RPE65: variants seen among roughly 807,000 people sequenced by gnomAD.
RPE65 encodes the protein retinoid isomerohydrolase RPE65, also known as retinoid isomerohydrolase.
In RPE65, 58 loss-of-function variants were observed where a neutral mutation model predicts 68.5. That is an observed-to-expected ratio of 0.85 (90% CI 0.69 to 1.05). The LOEUF is 1.05. Among genes scored for constraint, RPE65 ranks in the 50% least tolerant of loss-of-function variants. The pLI is 0.00. For synonymous variants in RPE65, 220 were observed against 222.2 expected (o/e 0.99, Z 0.09); for missense variants, 643 against 629.9 (o/e 1.02, Z -0.22).
chr1:68,445,924 G>A (rs1053528834), intron 3 of RPE65, among the ~76,000 whole-genome samples: 6 of 151,694 alleles, frequency 4.0e-5, no homozygotes, highest in Admixed American at 6.6e-5. Context: ...GACATCATCC[G>A]TTTCTCTTCT....
rs577927551 is a variant in RPE65, at chr1:68,431,646, C to A, written c.1129-61G>T. 2.1e-6 allele frequency: 3 copies of A among 1,413,380 alleles called. No individual in the cohort carries two copies. In the East Asian group the frequency reaches 6.9e-5, roughly 32 times the overall value. 87.6% of individuals were successfully genotyped at this position (1,413,380 alleles called of 1,614,324 possible). ...GAAAGAATTCAAACAGCCAGAAATG[C>A]AGAGTTCTTAAGTCTTGGCTCCTAA... On this transcript the variant is annotated intron_variant, in intron 10 of 13. Coordinates refer to ENST00000262340, the MANE Select transcript of RPE65 (RefSeq NM_000329.3).
At chr1:68,443,640 C>G (rs1474672752) in intron 5 of RPE65, among the ~76,000 whole-genome samples, 1 of 152,180 alleles carries the variant, frequency 6.6e-6, no homozygotes, top group Admixed American at 6.5e-5. Context: ...CCAACTACTT[C>G]CAGAAGTAAT....
intron 10 of RPE65, among the ~76,000 whole-genome samples, chr1:68,437,112 T>G (rs1399150913): frequency 6.6e-6 from 1 of 152,184 alleles, no homozygotes; most frequent in Non-Finnish European, 1.5e-5. Flanking sequence ...TCTAATCATG[T>G]CCTAAAATAC....
chr1:68,443,380 T>G (rs887029847), intron 5 of RPE65, among the ~76,000 whole-genome samples: 34 of 152,258 alleles, frequency 2.2e-4, no homozygotes, highest in African/African-American at 7.7e-4. Context: ...GTGTGGGACG[T>G]CTCCATGATG....
chr1:68,446,633 G>C, intron 3 of RPE65, 77 bp downstream of exon 3: 1 of 1,582,870 alleles, frequency 6.3e-7, no homozygotes, highest in East Asian at 2.2e-5. Context: ...GAGTTCAGAG[G>C]TGAAAACTCA....
At chr1:68,435,177 CTTGTT>C (rs1645852208) in intron 10 of RPE65, among the ~76,000 whole-genome samples, 1 of 37,304 alleles carries the variant, frequency 2.7e-5, no homozygotes, top group East Asian at 0.011. Flanking sequence ...TCTGGTGGCT[CTTGTT>C]TCTTTTTCTG....
At chr1:68,435,084 T>C (rs1645851442) in intron 10 of RPE65, among the ~76,000 whole-genome samples, 1 of 152,158 alleles carries the variant, frequency 6.6e-6, no homozygotes, top group Non-Finnish European at 1.5e-5. Flanking sequence ...CCTTTTCAAC[T>C]TGTCTATGGC....
In RPE65 at chr1:68,429,187, A is replaced by G. The variant is rs565227126; in HGVS notation, c.*589T>C. ...ACACAGATTTTCTTATTATAAAATC[A>G]GAAATAATAGTACTTGCTTGTAATA... On this transcript the variant is annotated 3_prime_UTR_variant, in exon 14 of 14. Coordinates refer to ENST00000262340, the MANE Select transcript of RPE65 (RefSeq NM_000329.3). 1 of 152,618 alleles carries G rather than the reference A, an allele frequency of 6.6e-6. No homozygotes were observed. The highest frequency in any genetic ancestry group is 1.9e-4 in the East Asian group (1 of 5,188). 9.5% of individuals were successfully genotyped at this position (152,618 alleles called of 1,614,324 possible).
rs1645807905 is a variant in RPE65, at chr1:68,429,901, G to A, written c.1477C>T (p.Pro493Ser). 4 of 1,613,226 alleles carry A rather than the reference G, an allele frequency of 2.5e-6. No homozygotes were observed. Among genetic ancestry groups the A allele is most frequent in the Non-Finnish European group, 3.4e-6 (4 of 1,179,662 alleles). ...DGVVLSVVVS[P>S]GAGQKPAYLL... ...TAAGCAGGCTTTTGTCCTGCTCCTG[G>A]GCTCACCACCACACTCAGAACTACA... Residue 493 changes from proline (P) to serine (S), a missense_variant, in exon 14 of 14, where the codon CCA becomes TCA. Pro to Ser is a moderately conservative substitution (Grantham distance 74). Coordinates refer to ENST00000262340, the MANE Select transcript of RPE65 (RefSeq NM_000329.3).
At chr1:68,444,418 T>C (rs1571170047) in intron 5 of RPE65, 113 bp downstream of exon 5, 2 of 1,365,574 alleles carry the variant, frequency 1.5e-6, no homozygotes, top group African/African-American at 1.4e-5. Context: ...ATGGTCATTC[T>C]GTGTGTCCTC....
intron 5 of RPE65, among the ~76,000 whole-genome samples, chr1:68,442,823 T>C (rs1193156259): frequency 1.3e-5 from 2 of 152,234 alleles, no homozygotes; most frequent in East Asian, 3.8e-4. Context: ...TTGTATATGG[T>C]TACACACACA....
At chr1:68,446,211 C>G (rs1300882793) in intron 3 of RPE65, among the ~76,000 whole-genome samples, 2 of 151,934 alleles carry the variant, frequency 1.3e-5, no homozygotes, top group Non-Finnish European at 2.9e-5. Context: ...GTGGCAGCCC[C>G]CGACCCCTTT....
chr1:68,436,019 C>G (rs1205767697), intron 10 of RPE65, among the ~76,000 whole-genome samples: 2 of 152,142 alleles, frequency 1.3e-5, no homozygotes, highest in Non-Finnish European at 2.9e-5. Context: ...ATTACAGTTC[C>G]CTATTCTATA....
At chr1:68,432,324 TTATAA>T (rs1645832725) in intron 10 of RPE65, among the ~76,000 whole-genome samples, 2 of 152,074 alleles carry the variant, frequency 1.3e-5, no homozygotes, top group South Asian at 4.1e-4. Context: ...TTAATAAATT[TTATAA>T]TATACCACAA....
chr1:68,446,229 G>T (rs1645941916), intron 3 of RPE65, among the ~76,000 whole-genome samples: 1 of 151,944 alleles, frequency 6.6e-6, no homozygotes, highest in African/African-American at 2.4e-5. Flanking sequence ...TTTCCCAGTG[G>T]CCTTTCCAAT....
Position 68,448,769 on chromosome 1 carries a change from G to T in RPE65, c.12-63C>A, listed in dbSNP as rs1013564842. ...ATGCTCAAAGTCCGCAGAGATAGAG[G>T]CAGAGCTGCAGGAGAGAAGGCACTC... is the stretch of plus-strand genomic sequence containing the variant. On this transcript the variant is annotated intron_variant, in intron 1 of 13. Coordinates refer to ENST00000262340, the MANE Select transcript of RPE65 (RefSeq NM_000329.3). 6.1e-5 allele frequency: 87 copies of T among 1,433,742 alleles called. No homozygotes were observed. In the Middle Eastern group the frequency reaches 9.3e-4, roughly 15 times the overall value. The allele number at this position is 1,433,742 out of a possible 1,614,324, so 88.8% of individuals were successfully genotyped here.
At chr1:68,448,034 C>T (rs1286165042) in intron 2 of RPE65, among the ~76,000 whole-genome samples, 1 of 152,150 alleles carries the variant, frequency 6.6e-6, no homozygotes, top group Non-Finnish European at 1.5e-5. Context: ...CTATTGATCA[C>T]TTTGTGTTGG....
intron 5 of RPE65, among the ~76,000 whole-genome samples, chr1:68,442,343 G>C (rs1340446126): frequency 6.6e-6 from 1 of 152,176 alleles, no homozygotes; most frequent in African/African-American, 2.4e-5. Flanking sequence ...TAAATGCATA[G>C]ACTTGTGAAA....
At chr1:68,435,042 A>G (rs556194635) in intron 10 of RPE65, among the ~76,000 whole-genome samples, 2 of 152,276 alleles carry the variant, frequency 1.3e-5, no homozygotes, top group East Asian at 3.9e-4. Flanking sequence ...CTTAGAGATC[A>G]CCAAACCTAG....
Sources: gnomAD v4.1 joint callset for allele counts (sites outside exome capture counted in the v4.1 genomes callset) on GRCh38, gnomAD v4.1.1 for gene constraint, MANE v1.5 for transcripts, NCBI Gene and HGNC (gene_info 2026-07-23, HGNC 2026-07-21) for gene names.